Variants in PHC2 observed in about 807,000 individuals in gnomAD.
PHC2 encodes the protein polyhomeotic homolog 2.
A neutral mutation model predicts 87.4 loss-of-function variants in PHC2; 29 were observed. The observed-to-expected ratio is 0.33, with a 90% CI of 0.25 to 0.45. The LOEUF (loss-of-function observed/expected upper bound fraction) is 0.45. PHC2 is among the 20% of genes least tolerant of loss of function. The pLI, the probability that PHC2 is intolerant of heterozygous loss-of-function variation, is 1.00. For missense variants in PHC2, 857 were observed against 1,136.7 expected (o/e 0.75, Z 3.54); for synonymous variants, 438 against 461.7 (o/e 0.95, Z 0.66).
rs576357035 is a variant in PHC2, at chr1:33,369,702, G to A, written c.576+719C>T. ...TTTCGGGATAGTGTGTCAAGAGCCC[G>A]AAGGAGCAGACTTCAGAATGGGAGG... is the stretch of plus-strand genomic sequence containing the variant. On this transcript the variant is annotated intron_variant, in intron 5 of 14. Coordinates refer to ENST00000683057, the MANE Select transcript of PHC2 (RefSeq NM_001385109.1). This position sits in a 1 kb window ranked among gnomAD's most constrained non-coding sequence, Gnocchi z 4.7. Among the ~76,000 whole-genome samples the A allele has an allele frequency of 2.0e-5, 3 of 152,282 alleles. No homozygotes were observed. Among genetic ancestry groups the A allele is most frequent in the African/African-American group, 7.2e-5 (3 of 41,550 alleles).
chr1:33,367,847 G>A (rs1018711385), intron 6 of PHC2, among the ~76,000 whole-genome samples: 1 of 152,174 alleles, frequency 6.6e-6, no homozygotes, highest in South Asian at 2.1e-4. Context: ...GAAGTTAACT[G>A]ACCAGGAAGG....
chr1:33,376,564 G>C (rs1207116400), intron 1 of PHC2, among the ~76,000 whole-genome samples: 5 of 152,220 alleles, frequency 3.3e-5, no homozygotes, highest in Non-Finnish European at 7.3e-5. Flanking sequence ...TTGGGGTGGG[G>C]ACACTGAACA....
At chr1:33,371,216 C>T in intron 3 of PHC2, 122 bp from the exon 4 acceptor site, 3 of 748,380 alleles carry the variant, frequency 4.0e-6, no homozygotes, top group South Asian at 3.0e-5. Flanking sequence ...GGAGGTCAGC[C>T]CCCAACCTGC....
intron 1 of PHC2, among the ~76,000 whole-genome samples, chr1:33,396,726 G>A (rs1649309293): frequency 6.6e-6 from 1 of 152,210 alleles, no homozygotes; most frequent in Non-Finnish European, 1.5e-5. Context: ...GTGGCTTGTG[G>A]AAGGCGGCTT....
chr1:33,327,806 C>G (rs1442816899), intron 14 of PHC2, among the ~76,000 whole-genome samples: 1 of 152,170 alleles, frequency 6.6e-6, no homozygotes, highest in Non-Finnish European at 1.5e-5. Flanking sequence ...GAGTGAGGCA[C>G]CTTGGAAGAG....
chr1:33,347,766 T>G lies in PHC2; in HGVS notation c.1558+6635A>C, dbSNP rs369670475. 10 of 981,460 alleles carry G rather than the reference T, an allele frequency of 1.0e-5. No individual in the cohort carries two copies. The East Asian group carries it at 4.5e-4, about 45-fold the overall frequency. 60.8% of individuals were successfully genotyped at this position (981,460 alleles called of 1,614,324 possible). A position where few individuals can be genotyped will look rare whatever the true frequency, so the allele number is the denominator to read the frequency against. On this transcript the variant is annotated intron_variant, in intron 9 of 14. Transcript: ENST00000683057. ...GGTGGGCTGAGAAGCAGAGCTCATG[T>G]GATGAAGAGTGCCTGGAAAGGGCAG...
intron 12 of PHC2, 109 bp from the exon 13 acceptor site, chr1:33,330,321 T>A: frequency 8.5e-7 from 1 of 1,177,242 alleles, no homozygotes; most frequent in Non-Finnish European, 1.2e-6. Context: ...CATCTATTGG[T>A]TCAGATCCTA....
intron 1 of PHC2, among the ~76,000 whole-genome samples, chr1:33,407,658 T>TA (rs1414986648): frequency 6.6e-6 from 1 of 152,196 alleles, no homozygotes; most frequent in East Asian, 1.9e-4. Flanking sequence ...TTCCTTCCCC[T>TA]ATAAGACTAC....
chr1:33,388,667 C>G (rs533737781), intron 1 of PHC2, among the ~76,000 whole-genome samples: 1 of 152,176 alleles, frequency 6.6e-6, no homozygotes, highest in Admixed American at 6.5e-5. Context: ...TAAGAAAATG[C>G]AAGCACCTAA....
chr1:33,421,355 G>A (rs1406621284), intron 1 of PHC2, among the ~76,000 whole-genome samples: 1 of 152,098 alleles, frequency 6.6e-6, no homozygotes. Flanking sequence ...CTGACACACA[G>A]TACTTGAGGT....
intron 3 of PHC2, 101 bp from the exon 4 acceptor site, chr1:33,371,195 C>T: frequency 2.1e-6 from 2 of 957,206 alleles, no homozygotes; most frequent in Admixed American, 3.6e-5. Context: ...GTGTTAAGGA[C>T]AACAGCCTCT....
At chr1:33,396,197 A>G (rs557805593) in intron 1 of PHC2, among the ~76,000 whole-genome samples, 1 of 152,290 alleles carries the variant, frequency 6.6e-6, no homozygotes, top group Non-Finnish European at 1.5e-5. Flanking sequence ...TTGTATCCCT[A>G]GTCTTCTCAG....
At chr1:33,416,791 T>A (rs1451062209) in intron 1 of PHC2, among the ~76,000 whole-genome samples, 1 of 151,770 alleles carries the variant, frequency 6.6e-6, no homozygotes, top group Non-Finnish European at 1.5e-5. Context: ...CTATCAAAAA[T>A]ATTAAAGAAA....
At chr1:33,406,776 A>G (rs1273623461) in intron 1 of PHC2, among the ~76,000 whole-genome samples, 1 of 152,190 alleles carries the variant, frequency 6.6e-6, no homozygotes, top group Non-Finnish European at 1.5e-5. Flanking sequence ...AGAAGAATAA[A>G]TTTATTAGGC....
At chr1:33,336,556 GC>G (rs1646641308) in intron 9 of PHC2, 1 of 152,146 alleles carries the variant, frequency 6.6e-6, no homozygotes, top group Admixed American at 6.5e-5. Context: ...AACAGCTTTG[GC>G]TTTTCTGTAG....
chr1:33,336,453 A>G (rs1239157743), intron 9 of PHC2: 2 of 14,000 alleles, frequency 1.4e-4, no homozygotes, highest in Non-Finnish European at 1.9e-4. Flanking sequence ...GAAAGGACCA[A>G]TGAAGTTTTT....
chr1:33,372,257 G>A (rs1380611544), intron 3 of PHC2, 32 bp downstream of exon 3: 2 of 1,481,576 alleles, frequency 1.3e-6, no homozygotes, highest in South Asian at 1.4e-5. Context: ...AGGATGCCTG[G>A]CACCAGCCTC....
At chr1:33,350,366 A>C (rs2148266602) in intron 9 of PHC2, 1 of 152,374 alleles carries the variant, frequency 6.6e-6, no homozygotes, top group South Asian at 2.1e-4. Flanking sequence ...CACCTCCGTG[A>C]GCGGCCTCGG....
intron 1 of PHC2, among the ~76,000 whole-genome samples, chr1:33,421,519 C>A (rs1289611891): frequency 6.6e-6 from 1 of 152,272 alleles, no homozygotes; most frequent in South Asian, 2.1e-4. Flanking sequence ...TGGGTGATGT[C>A]ATGAGGAGTA....
Sources: allele counts gnomAD v4.1 joint callset (sites outside exome capture counted in the v4.1 genomes callset), GRCh38; gene constraint gnomAD v4.1.1; non-coding constraint Gnocchi (gnomAD v3.1); transcripts MANE v1.5; gene names NCBI Gene and HGNC (gene_info 2026-07-23, HGNC 2026-07-21).